The following CDK14 variants were observed in gnomAD, a reference collection of about 807,000 sequenced individuals.
CDK14 encodes the protein cyclin-dependent kinase 14.
Under a neutral mutation model 60.7 loss-of-function variants are expected in CDK14, and 34 were observed. The ratio of observed to expected loss-of-function variants is 0.56; its 90% confidence interval spans 0.43 to 0.75. CDK14 has a LOEUF of 0.75. CDK14 is among the 30% of genes least tolerant of loss of function. The pLI, the probability that CDK14 is intolerant of heterozygous loss-of-function variation, is 0.00. For missense variants in CDK14, 482 were observed against 564.1 expected, an observed-to-expected ratio of 0.85 and a Z score of 1.47; for synonymous variants, 197 against 203.7, an observed-to-expected ratio of 0.97 and a Z score of 0.28.
chr7:90,651,323 A>G (rs1390721199), intron 2 of CDK14, among the ~76,000 whole-genome samples: 1 of 152,094 alleles, frequency 6.6e-6, no homozygotes, highest in Non-Finnish European at 1.5e-5. Flanking sequence ...AGTGGCAATT[A>G]CACTGTGTGC....
At chr7:90,919,491 A>AT (rs1224291043) in intron 8 of CDK14, among the ~76,000 whole-genome samples, 2 of 152,224 alleles carry the variant, frequency 1.3e-5, no homozygotes, top group South Asian at 2.1e-4. Context: ...AATTTAGATG[A>AT]TTTTTTTAGA....
chr7:90,685,040 G>C (rs1235390083), intron 2 of CDK14, among the ~76,000 whole-genome samples: 1 of 150,086 alleles, frequency 6.7e-6, no homozygotes, highest in African/African-American at 2.4e-5. Flanking sequence ...TCTGGTTTTG[G>C]GGTATGTTTA....
At chr7:90,943,465 T>G (rs956393300) in intron 8 of CDK14, among the ~76,000 whole-genome samples, 3 of 152,180 alleles carry the variant, frequency 2.0e-5, no homozygotes, top group Non-Finnish European at 4.4e-5. Flanking sequence ...GAGGTTTTAT[T>G]TATCTAAAAT....
Position 91,112,695 on chromosome 7 carries a change from A to T in CDK14, c.1294+14A>T. The T allele has an allele frequency of 6.2e-7, 1 of 1,612,278 alleles. No homozygotes were observed. Among genetic ancestry groups the T allele is most frequent in the South Asian group, 1.1e-5 (1 of 91,036 alleles). On this transcript the variant is annotated intron_variant, in intron 13 of 14. Transcript: ENST00000380050. ...AACTCACCGACAGTGAGTATGACAA[A>T]TCCACAACATCCAGTCCAAGCAGAC...
chr7:90,910,997 T>G lies in CDK14; in HGVS notation c.703-6604T>G, dbSNP rs1792878938. On this transcript the variant is annotated intron_variant, in intron 7 of 14. Transcript: ENST00000380050. ...CCCTCTCTGTGCCCATGTGTTCTCA[T>G]CATTTATCTCCCAAGTATAAGTGAG... Among the ~76,000 whole-genome samples the G allele has an allele frequency of 2.0e-5, 3 of 152,184 alleles. No individual in the cohort carries two copies. The South Asian group carries it at 6.2e-4, about 32-fold the overall frequency.
chr7:91,083,162 A>T lies in CDK14; in HGVS notation c.1154+3682A>T, dbSNP rs1052177718. 2.0e-5 allele frequency among the ~76,000 whole-genome samples: 3 copies of T among 152,066 alleles called. No homozygotes were observed. The East Asian group carries it at 5.8e-4, about 29-fold the overall frequency. On this transcript the variant is annotated intron_variant, in intron 12 of 14. Coordinates refer to ENST00000380050, the MANE Select transcript of CDK14 (RefSeq NM_001287135.2). ...TAATTCTATTTACTTCAAAGTAACA[A>T]TTTTAATTTATTTAGTGCCTGGAGA...
At chr7:90,798,761 CATTGAGCTAG>C (rs1424929258) in intron 5 of CDK14, among the ~76,000 whole-genome samples, 2 of 152,200 alleles carry the variant, frequency 1.3e-5, no homozygotes, top group African/African-American at 4.8e-5. Flanking sequence ...TTTTATCTCT[CATTGAGCTAG>C]AGTGTGTAAT....
intron 14 of CDK14, among the ~76,000 whole-genome samples, chr7:91,133,512 A>G (rs969585940): frequency 8.5e-5 from 13 of 152,210 alleles, no homozygotes; most frequent in African/African-American, 3.1e-4. Context: ...TTACCAAAGC[A>G]GATGAAATAT....
chr7:91,048,898 T>C (rs1290563984), intron 11 of CDK14, among the ~76,000 whole-genome samples: 1 of 152,144 alleles, frequency 6.6e-6, no homozygotes, highest in Non-Finnish European at 1.5e-5. Context: ...TTTATTATTT[T>C]ATTTTTAGCG....
At chr7:90,692,621 G>T (rs1801575393) in intron 2 of CDK14, 1 of 917,204 alleles carries the variant, frequency 1.1e-6, no homozygotes. Flanking sequence ...TGAGGGCTCT[G>T]CCTGGTGGAG....
At chr7:91,184,042 T>C (rs1802089909) in intron 14 of CDK14, among the ~76,000 whole-genome samples, 1 of 151,686 alleles carries the variant, frequency 6.6e-6, no homozygotes. Context: ...TACTAAAAAA[T>C]TTTTAAACCA....
chr7:90,938,955 C>T (rs1263672414), intron 8 of CDK14, among the ~76,000 whole-genome samples: 1 of 152,102 alleles, frequency 6.6e-6, no homozygotes, highest in Non-Finnish European at 1.5e-5. Flanking sequence ...GGCATTTTAA[C>T]ATATAGTCAT....
intron 4 of CDK14, among the ~76,000 whole-genome samples, chr7:90,766,926 C>T (rs1016542313): frequency 1.3e-5 from 2 of 152,170 alleles, no homozygotes; most frequent in African/African-American, 4.8e-5. Flanking sequence ...ACGGCCAGCT[C>T]TCCCTTGCCT....
intron 11 of CDK14, among the ~76,000 whole-genome samples, chr7:91,073,122 C>A (rs540944989): frequency 2.8e-4 from 43 of 152,148 alleles, no homozygotes; most frequent in African/African-American, 1.0e-3. Flanking sequence ...GAGTACTTCC[C>A]CAACCTAGCA....
chr7:91,125,072 T>A (rs1799901441), intron 14 of CDK14, among the ~76,000 whole-genome samples: 1 of 152,154 alleles, frequency 6.6e-6, no homozygotes, highest in African/African-American at 2.4e-5. Context: ...GCTGATGGTC[T>A]GGGATGACAT....
chr7:91,071,411 G>C (rs571740626), intron 11 of CDK14, among the ~76,000 whole-genome samples: 1 of 151,870 alleles, frequency 6.6e-6, no homozygotes, highest in East Asian at 1.9e-4. Context: ...GTAGTGCGGC[G>C]GCCCACCTGA....
intron 10 of CDK14, among the ~76,000 whole-genome samples, chr7:91,024,024 C>T (rs1177646502): frequency 6.6e-6 from 1 of 151,950 alleles, no homozygotes; most frequent in Non-Finnish European, 1.5e-5. Flanking sequence ...CTGCCCACCT[C>T]GGCCTCCCAA....
intron 12 of CDK14, among the ~76,000 whole-genome samples, chr7:91,081,709 A>G (rs1405457307): frequency 6.6e-6 from 1 of 152,166 alleles, no homozygotes; most frequent in Non-Finnish European, 1.5e-5. Flanking sequence ...AGTAACACCT[A>G]GGCAATTCCC....
intron 11 of CDK14, among the ~76,000 whole-genome samples, chr7:91,059,536 G>A (rs891031118): frequency 6.6e-6 from 1 of 151,986 alleles, no homozygotes; most frequent in African/African-American, 2.4e-5. Context: ...TCTCTTGTGG[G>A]CATTTAGTGC....
Sources: allele counts gnomAD v4.1 joint callset (sites outside exome capture counted in the v4.1 genomes callset), GRCh38; gene constraint gnomAD v4.1.1; transcripts MANE v1.5; gene names NCBI Gene and HGNC (gene_info 2026-07-23, HGNC 2026-07-21).